Variants in RAB33A observed in about 807,000 individuals in gnomAD.
RAB33A encodes the protein RAB33A, member RAS oncogene family.
Under a neutral mutation model 12.0 loss-of-function variants are expected in RAB33A, and 6 were observed. That is an observed-to-expected ratio of 0.50 (90% confidence interval 0.27 to 0.99). The LOEUF is 0.99. Ranked by LOEUF, RAB33A falls within the 50% of genes least tolerant of loss-of-function variation. The pLI is 0.11. For synonymous variants in RAB33A, 70 were observed against 82.4 expected, an observed-to-expected ratio of 0.85 and a Z score of 0.81; for missense variants, 109 against 192.0, an observed-to-expected ratio of 0.57 and a Z score of 2.55.
intron 1 of RAB33A, among the ~76,000 whole-genome samples, chrX:130,179,514 A>C (rs1425910900): frequency 9.2e-6 from 1 of 108,988 alleles, no homozygotes; most frequent in Admixed American, 9.9e-5. Context: ...GCCAAGTGGT[A>C]ATGATATTCC....
At chrX:130,129,520 G>A in the RAB33A span, 3 of 1,165,905 alleles carry the variant, frequency 2.6e-6, no homozygotes, top group African/African-American at 3.5e-5. Context: ...CCTCCTCTCA[G>A]GGGCTGCAGT....
At chrX:130,120,446 G>A in the RAB33A span, among the ~76,000 whole-genome samples, 1 of 111,144 alleles carries the variant, frequency 9.0e-6, no homozygotes, top group African/African-American at 3.3e-5. Flanking sequence ...CTAGAGAGTG[G>A]CTGTTCAGGG....
the RAB33A span, among the ~76,000 whole-genome samples, chrX:130,151,415 A>G: frequency 9.0e-6 from 1 of 111,290 alleles, no homozygotes; most frequent in Non-Finnish European, 1.9e-5. Flanking sequence ...CTGGGATTAC[A>G]TGCGTGAGCC....
chrX:130,132,296 G>C, the RAB33A span, among the ~76,000 whole-genome samples: 2 of 112,160 alleles, frequency 1.8e-5, no homozygotes, highest in Non-Finnish European at 3.8e-5. Context: ...TAATAGCTTT[G>C]ACTTTTCCTT....
At chrX:130,137,075 T>C in the RAB33A span, 5 of 1,211,377 alleles carry the variant, frequency 4.1e-6, no homozygotes, top group Non-Finnish European at 5.6e-6. Flanking sequence ...ACAGTCTCTC[T>C]ACCTCGTCTG....
chrX:130,116,676 G>A, the RAB33A span, among the ~76,000 whole-genome samples: 1 of 112,552 alleles, frequency 8.9e-6, no homozygotes, highest in Admixed American at 9.4e-5. Flanking sequence ...TGTGCAACAT[G>A]GGCTGGTTAT....
intron 1 of RAB33A, among the ~76,000 whole-genome samples, chrX:130,174,822 T>G (rs1046916046): frequency 9.0e-6 from 1 of 110,865 alleles, no homozygotes; most frequent in Non-Finnish European, 1.9e-5. Flanking sequence ...ACAACTGATT[T>G]GGTGTAGTTA....
the RAB33A span, chrX:130,165,764 A>G: frequency 3.1e-6 from 2 of 652,570 alleles, no homozygotes; most frequent in African/African-American, 2.2e-5. Context: ...TCACACGCAC[A>G]TTACGCAGAC....
At chrX:130,165,850 G>T in the RAB33A span, 2 of 481,888 alleles carry the variant, frequency 4.2e-6, no homozygotes, top group Non-Finnish European at 7.5e-6. Context: ...ACGGCGACCG[G>T]AGGCCTACTG....
the RAB33A span, among the ~76,000 whole-genome samples, chrX:130,130,699 C>G: frequency 8.9e-6 from 1 of 112,421 alleles, no homozygotes; most frequent in Non-Finnish European, 1.9e-5. Context: ...TCCATCGCAG[C>G]AGAAAGTTCT....
chrX:130,136,867 C>CT, the RAB33A span: 1 of 1,008,142 alleles, frequency 9.9e-7, no homozygotes. Context: ...GCTGCAAGAA[C>CT]CTACACCCAT....
the RAB33A span, among the ~76,000 whole-genome samples, chrX:130,133,794 A>T: frequency 9.2e-6 from 1 of 108,883 alleles, no homozygotes; most frequent in Admixed American, 9.8e-5. Context: ...TGCCTGGCTA[A>T]ATTTTTTTTT....
the RAB33A span, among the ~76,000 whole-genome samples, chrX:130,133,718 T>A: frequency 9.1e-6 from 1 of 109,304 alleles, no homozygotes; most frequent in Non-Finnish European, 1.9e-5. Flanking sequence ...AGCCTGGACC[T>A]CCAGGCTCAG....
At chrX:130,136,854 A>C in the RAB33A span, 8 of 998,861 alleles carry the variant, frequency 8.0e-6, no homozygotes, top group Non-Finnish European at 1.1e-5. Flanking sequence ...GCAGTTTTGG[A>C]GAGCTGCAAG....
intron 1 of RAB33A, among the ~76,000 whole-genome samples, chrX:130,179,941 A>C (rs2031704324): frequency 9.2e-6 from 1 of 108,785 alleles, no homozygotes; most frequent in African/African-American, 3.4e-5. Context: ...GGTATGATGC[A>C]GACTCAAAGT....
chrX:130,171,922 G>A, upstream of RAB33A: 1 of 737,686 alleles, frequency 1.4e-6, no homozygotes, highest in Non-Finnish European at 1.9e-6. Flanking sequence ...CGGTGCCGGC[G>A]CACGCACACA....
intron 1 of RAB33A, among the ~76,000 whole-genome samples, chrX:130,175,513 T>TTTTTG (rs2031655710): frequency 9.5e-6 from 1 of 104,720 alleles, no homozygotes; most frequent in Admixed American, 1.0e-4. Flanking sequence ...TTTTTTTTTT[T>TTTTTG]GAGAGGGAGT....
the RAB33A span, among the ~76,000 whole-genome samples, chrX:130,159,863 C>G: frequency 9.2e-6 from 1 of 108,641 alleles, no homozygotes; most frequent in African/African-American, 3.4e-5. Context: ...ACTCTGTCCC[C>G]AAGCTGGAGT....
chrX:130,115,129 C>T, the RAB33A span, among the ~76,000 whole-genome samples: 2 of 97,476 alleles, frequency 2.1e-5, no homozygotes, highest in African/African-American at 4.0e-5. Flanking sequence ...CAAGCAATGC[C>T]TGATAGCCCA....
Sources: gnomAD v4.1 joint callset for allele counts (sites outside exome capture counted in the v4.1 genomes callset) on GRCh38, gnomAD v4.1.1 for gene constraint, MANE v1.5 for transcripts, NCBI Gene and HGNC (gene_info 2026-07-23, HGNC 2026-07-21) for gene names.